Variants in KIAA1217 observed in about 807,000 individuals in gnomAD.
KIAA1217 encodes sickle tail protein homolog.
A neutral mutation model predicts 163.9 loss-of-function variants in KIAA1217; 88 were observed. The observed-to-expected ratio is 0.54, with a 90% confidence interval of 0.45 to 0.64. The LOEUF (loss-of-function observed/expected upper bound fraction) is 0.64. KIAA1217 is among the 30% of genes least tolerant of loss of function. The pLI is 0.00. For missense variants in KIAA1217, 2,372 were observed against 2,475.0 expected (o/e 0.96, Z 0.88); for synonymous variants, 903 against 923.1 (o/e 0.98, Z 0.39).
chr10:24,453,054 C>T (rs1024291905), intron 5 of KIAA1217, among the ~76,000 whole-genome samples: 1 of 152,052 alleles, frequency 6.6e-6, no homozygotes, highest in African/African-American at 2.4e-5. Flanking sequence ...AACCTGAGAC[C>T]CAGGAGTTCC....
intron 5 of KIAA1217, among the ~76,000 whole-genome samples, chr10:24,450,939 G>T (rs1023309142): frequency 2.6e-5 from 4 of 152,122 alleles, no homozygotes; most frequent in African/African-American, 9.7e-5. Context: ...AATATATAAT[G>T]TTTACGTGGC....
intron 1 of KIAA1217, among the ~76,000 whole-genome samples, chr10:23,862,754 A>C (rs897091948): frequency 4.6e-5 from 7 of 152,062 alleles, no homozygotes; most frequent in African/African-American, 1.7e-4. Context: ...TTGTAGGCCA[A>C]GGTAAGGATT....
chr10:24,265,084 G>C (rs536426352), intron 2 of KIAA1217, among the ~76,000 whole-genome samples: 1 of 152,018 alleles, frequency 6.6e-6, no homozygotes, highest in Non-Finnish European at 1.5e-5. Flanking sequence ...GGCTGGTCTC[G>C]AACTCCTGGG....
At chr10:24,532,585 A>T (rs1317072753) in intron 15 of KIAA1217, among the ~76,000 whole-genome samples, 2 of 152,202 alleles carry the variant, frequency 1.3e-5, no homozygotes, top group South Asian at 2.1e-4. Flanking sequence ...ATGGCAGAAG[A>T]TGAAGGAAGA....
intron 18 of KIAA1217, 35 bp from the exon 19 acceptor site, chr10:24,542,848 C>G (rs181108820): frequency 6.2e-7 from 1 of 1,609,634 alleles, no homozygotes; most frequent in African/African-American, 1.3e-5. Context: ...TGCTGATTAA[C>G]GTGTGTGGTT....
At chr10:23,813,815 G>C (rs1227979225) in intron 1 of KIAA1217, among the ~76,000 whole-genome samples, 1 of 152,118 alleles carries the variant, frequency 6.6e-6, no homozygotes, top group Non-Finnish European at 1.5e-5. Flanking sequence ...TTTCCAGAAA[G>C]TGCGTCAGTT....
At chr10:24,049,973 T>C (rs1221562159) in intron 2 of KIAA1217, among the ~76,000 whole-genome samples, 1 of 152,192 alleles carries the variant, frequency 6.6e-6, no homozygotes, top group African/African-American at 2.4e-5. Context: ...GCATCTGTTG[T>C]TTCCTGACTT....
intron 2 of KIAA1217, among the ~76,000 whole-genome samples, chr10:24,177,860 A>T (rs564875498): frequency 6.6e-6 from 1 of 152,308 alleles, no homozygotes; most frequent in East Asian, 1.9e-4. Context: ...AAGTGATACC[A>T]TATGTTGGTT....
intron 3 of KIAA1217, among the ~76,000 whole-genome samples, chr10:24,396,314 G>A (rs1478445357): frequency 6.6e-6 from 1 of 151,924 alleles, no homozygotes; most frequent in African/African-American, 2.4e-5. Context: ...TCCAGCCTGG[G>A]CGACAGAGTG....
intron 2 of KIAA1217, among the ~76,000 whole-genome samples, chr10:24,283,776 T>A (rs60833116): frequency 6.6e-6 from 1 of 152,126 alleles, no homozygotes; most frequent in Non-Finnish European, 1.5e-5. Context: ...CTCTGCATCC[T>A]GGTCAGCATT....
chr10:23,969,225 G>A (rs971715212), intron 1 of KIAA1217, among the ~76,000 whole-genome samples: 12 of 152,056 alleles, frequency 7.9e-5, no homozygotes, highest in Admixed American at 2.0e-4. Context: ...TAGTAGAGAC[G>A]GGGTTTCACC....
chr10:24,161,226 C>T (rs1452674241), intron 2 of KIAA1217, among the ~76,000 whole-genome samples: 1 of 152,310 alleles, frequency 6.6e-6, no homozygotes, highest in African/African-American at 2.4e-5. Context: ...TGGGAAACTC[C>T]TTCGCCATAA....
chr10:24,240,326 G>A (rs916298141), intron 2 of KIAA1217, among the ~76,000 whole-genome samples: 2 of 152,276 alleles, frequency 1.3e-5, no homozygotes, highest in Admixed American at 6.5e-5. Context: ...CAGAATCATC[G>A]AAAGATACCT....
At chr10:24,080,167 A>C (rs1346098162) in intron 2 of KIAA1217, among the ~76,000 whole-genome samples, 1 of 152,048 alleles carries the variant, frequency 6.6e-6, no homozygotes, top group Non-Finnish European at 1.5e-5. Flanking sequence ...TTTCTGTTTA[A>C]GGTTTCTTGT....
chr10:24,040,714 A>G (rs1848594351), intron 2 of KIAA1217, among the ~76,000 whole-genome samples: 1 of 152,162 alleles, frequency 6.6e-6, no homozygotes, highest in Non-Finnish European at 1.5e-5. Flanking sequence ...TATGAGTGTG[A>G]TCCTACTATG....
chr10:23,991,027 C>T (rs1846196132), intron 1 of KIAA1217, among the ~76,000 whole-genome samples: 1 of 152,180 alleles, frequency 6.6e-6, no homozygotes, highest in Non-Finnish European at 1.5e-5. Context: ...TTACAAGTGA[C>T]TTTGTCTACA....
intron 1 of KIAA1217, among the ~76,000 whole-genome samples, chr10:23,940,106 A>G (rs986513321): frequency 6.6e-6 from 1 of 152,116 alleles, no homozygotes; most frequent in African/African-American, 2.4e-5. Context: ...ACGTGTTTAT[A>G]TGCACCTAAT....
At chr10:24,170,572 A>G (rs1399764674) in intron 2 of KIAA1217, among the ~76,000 whole-genome samples, 2 of 152,160 alleles carry the variant, frequency 1.3e-5, no homozygotes, top group Non-Finnish European at 2.9e-5. Flanking sequence ...AATAAGTCCA[A>G]AGTCAGTGAT....
intron 1 of KIAA1217, among the ~76,000 whole-genome samples, chr10:23,726,975 G>A (rs1838183847): frequency 1.5e-5 from 2 of 137,664 alleles, no homozygotes; most frequent in Non-Finnish European, 3.0e-5. Context: ...ATTTGTATAG[G>A]CCTCTTTTTT....
Sources: allele counts gnomAD v4.1 joint callset (sites outside exome capture counted in the v4.1 genomes callset), GRCh38; gene constraint gnomAD v4.1.1; transcripts MANE v1.5; gene names NCBI Gene and HGNC (gene_info 2026-07-23, HGNC 2026-07-21).